Variants in CNTNAP4 observed in about 807,000 individuals in gnomAD.
The protein encoded by CNTNAP4 is contactin associated protein family member 4.
In CNTNAP4, 98 loss-of-function variants were observed where a neutral mutation model predicts 148.4. That is an observed-to-expected ratio of 0.66 (90% CI 0.56 to 0.78). CNTNAP4 has a LOEUF of 0.78. Ranked by LOEUF, CNTNAP4 falls within the 30% of genes least tolerant of loss-of-function variation. The probability of loss-of-function intolerance (pLI) is 0.00; values close to 1 mark genes in which losing one functional copy is unlikely to be tolerated. For synonymous variants in CNTNAP4, 730 were observed against 565.1 expected, an observed-to-expected ratio of 1.29 and a Z score of -4.14; for missense variants, 1,935 against 1,565.6, an observed-to-expected ratio of 1.24 and a Z score of -3.98.
rs113615192 is a variant in CNTNAP4, at chr16:76,467,373, G to A, written c.1505G>A (p.Gly502Glu). The A allele has an allele frequency of 6.2e-7, 1 of 1,613,774 alleles. No individual in the cohort carries two copies. Among genetic ancestry groups the A allele is most frequent in the Admixed American group, 1.7e-5 (1 of 59,990 alleles). ...TCAGGTTGTCCTGACAAAAGCTTTG[G>A]ATCCAAATGTAAAAGTCCACTTGGT... ...YFGGCPDKSF[G>E]SKCKSPLGGF... Residue 502 changes from glycine to glutamate, a missense_variant, in exon 10 of 24, where the codon GGA (glycine) becomes GAA (glutamate). Gly to Glu is a moderately conservative substitution (Grantham distance 98). Transcript: ENST00000611870.
rs377651077 is a variant in CNTNAP4 at position 76,448,136 on chromosome 16, A to G, written c.663A>G (p.Leu221=). 5.0e-6 allele frequency: 8 copies of G among 1,613,332 alleles called. No homozygotes were observed. The highest frequency in any genetic ancestry group is 6.8e-6 in the Non-Finnish European group (8 of 1,179,470). The change falls in exon 5 of 24, where the codon CTA becomes CTG. Residue 221 remains leucine, a synonymous_variant. Coordinates refer to ENST00000611870, the MANE Select transcript of CNTNAP4 (RefSeq NM_033401.5). Reference sequence around the variant, plus strand: ...AAACCATGCAGAGTGATGGGATTCTACTCCACAGGGAAGGGCCAAATGGAG... The same window carrying G: ...AAACCATGCAGAGTGATGGGATTCTGCTCCACAGGGAAGGGCCAAATGGAG... The part of the protein sequence containing the change: ...KFKTMQSDGI[L]LHREGPNGDH...
chr16:76,549,929 T>C (rs1236100082), intron 21 of CNTNAP4, among the ~76,000 whole-genome samples: 1 of 152,130 alleles, frequency 6.6e-6, no homozygotes, highest in Non-Finnish European at 1.5e-5. Context: ...CCAAGCTAAA[T>C]AAAAACTTTG....
intron 4 of CNTNAP4, among the ~76,000 whole-genome samples, chr16:76,440,877 C>G (rs1215685161): frequency 1.3e-5 from 2 of 152,016 alleles, no homozygotes; most frequent in African/African-American, 4.8e-5. Flanking sequence ...AGTGACAACC[C>G]CTCAAAATTT....
intron 17 of CNTNAP4, among the ~76,000 whole-genome samples, chr16:76,527,268 C>A (rs139398275): frequency 2.5e-4 from 38 of 152,258 alleles, no homozygotes; most frequent in African/African-American, 8.4e-4. Context: ...GGACCCTTCT[C>A]CCATTCCCTC....
rs1469417782 is a variant in CNTNAP4, at chr16:76,449,064, T to TGTCTAACTCACAGTTA, written c.927+114_927+115insTCTAACTCACAGTTAG. Reference sequence around the variant, plus strand: ...CCTTTTCAGTAAATCATAGAACAGGTGAAGCATTTCCCAAGGCAGTCTAAC... The same window carrying TGTCTAACTCACAGTTA: ...CCTTTTCAGTAAATCATAGAACAGGTGTCTAACTCACAGTTAGAAGCATTTCCCAAGGCAGTCTAAC... On this transcript the variant is annotated intron_variant, in intron 6 of 23. Transcript: ENST00000611870. 15 of 1,005,892 alleles carry TGTCTAACTCACAGTTA rather than the reference T, an allele frequency of 1.5e-5. 1 individual carries two copies. In the East Asian group the frequency reaches 4.0e-4, roughly 27 times the overall value. 62.3% of individuals were successfully genotyped at this position (1,005,892 alleles called of 1,614,324 possible).
At chr16:76,503,741 A>T (rs1259504477) in intron 15 of CNTNAP4, among the ~76,000 whole-genome samples, 1 of 144,836 alleles carries the variant, frequency 6.9e-6, no homozygotes, top group African/African-American at 2.6e-5. Context: ...AAGTGTTCTG[A>T]TTGTTTAATT....
At chr16:76,507,880 G>A (rs1478297836) in intron 15 of CNTNAP4, among the ~76,000 whole-genome samples, 2 of 97,478 alleles carry the variant, frequency 2.1e-5, no homozygotes, top group African/African-American at 5.1e-5. Context: ...CTGGCTCTAC[G>A]TCCTTGTCAC....
chr16:76,439,360 T>C (rs1041617855), intron 4 of CNTNAP4, among the ~76,000 whole-genome samples: 1 of 152,158 alleles, frequency 6.6e-6, no homozygotes, highest in Non-Finnish European at 1.5e-5. Context: ...CATAACAGTA[T>C]ACAAAATAAT....
chr16:76,554,670 A>C (rs571286233), intron 23 of CNTNAP4, among the ~76,000 whole-genome samples: 1 of 152,224 alleles, frequency 6.6e-6, no homozygotes, highest in South Asian at 2.1e-4. Flanking sequence ...CACTCTGAAT[A>C]TGATACGGAT....
chr16:76,345,278 C>A (rs374712852), intron 2 of CNTNAP4, among the ~76,000 whole-genome samples: 2 of 152,188 alleles, frequency 1.3e-5, no homozygotes, highest in Non-Finnish European at 2.9e-5. Flanking sequence ...CTAGGCAGTG[C>A]TCTTCAGCTT....
rs540250344 is a variant in CNTNAP4 at position 76,501,752 on chromosome 16, A to G, written c.2365+3058A>G. Among the ~76,000 whole-genome samples, 8 of 152,270 alleles carry G rather than the reference A, an allele frequency of 5.3e-5. No homozygotes were observed. The East Asian group carries it at 1.6e-3, about 30-fold the overall frequency. ...TTTGAACTACTGTGACCATGGGAAT[A>G]CAGAGGGGAGCTACTACATTAGCAC... On this transcript the variant is annotated intron_variant, in intron 15 of 23. Transcript: ENST00000611870.
chr16:76,339,739 A>C (rs1427702045), intron 2 of CNTNAP4, among the ~76,000 whole-genome samples: 5 of 152,232 alleles, frequency 3.3e-5, no homozygotes, highest in African/African-American at 1.2e-4. Context: ...ATATTAGAAC[A>C]ATAACAGCTC....
rs143467823 is a variant in CNTNAP4, at chr16:76,415,502, G to A, written c.391-11950G>A. Reference sequence around the variant, plus strand: ...ATTAGAATTCAAAGTCTAATAATACGTTGAATTAATACATGTTTTATAGTA... The same window carrying A: ...ATTAGAATTCAAAGTCTAATAATACATTGAATTAATACATGTTTTATAGTA... On this transcript the variant is annotated intron_variant, in intron 3 of 23. Coordinates refer to ENST00000611870, the MANE Select transcript of CNTNAP4 (RefSeq NM_033401.5). 6.9e-3 allele frequency among the ~76,000 whole-genome samples: 1,045 copies of A among 150,894 alleles called. 15 individuals are homozygous for A. Among genetic ancestry groups the A allele is most frequent in the African/African-American group, 0.023 (971 of 41,320 alleles).
chr16:76,475,427 TTC>T (rs1463934758), intron 10 of CNTNAP4, among the ~76,000 whole-genome samples: 2 of 152,174 alleles, frequency 1.3e-5, no homozygotes, highest in African/African-American at 4.8e-5. Flanking sequence ...TCCCTATGAG[TTC>T]TGTTTTGCAC....
chr16:76,529,410 C>T (rs922441970), intron 17 of CNTNAP4, among the ~76,000 whole-genome samples: 2 of 152,176 alleles, frequency 1.3e-5, no homozygotes, highest in Non-Finnish European at 2.9e-5. Flanking sequence ...CTGCTGTTAT[C>T]GTAGACTCAC....
At chr16:76,325,235 A>G (rs1416841742) in intron 2 of CNTNAP4, among the ~76,000 whole-genome samples, 2 of 152,200 alleles carry the variant, frequency 1.3e-5, no homozygotes, top group Non-Finnish European at 2.9e-5. Flanking sequence ...AAAAAATGAA[A>G]ATAAAGATTT....
At chr16:76,309,785 C>G (rs935969302) in intron 1 of CNTNAP4, 1 of 696,052 alleles carries the variant, frequency 1.4e-6, no homozygotes, top group Non-Finnish European at 2.6e-6. Flanking sequence ...CCGTGCTATT[C>G]TCGTGATAGT....
intron 2 of CNTNAP4, among the ~76,000 whole-genome samples, chr16:76,342,919 T>A (rs1161214862): frequency 2.6e-5 from 4 of 152,166 alleles, no homozygotes; most frequent in Non-Finnish European, 5.9e-5. Context: ...TCAAAAGTAT[T>A]TGCTTTTCAC....
chr16:76,554,359 A>C (rs1459747194), intron 23 of CNTNAP4, among the ~76,000 whole-genome samples: 2 of 152,236 alleles, frequency 1.3e-5, no homozygotes, highest in African/African-American at 4.8e-5. Context: ...TCAAGGCTTA[A>C]TAAAGATGCT....
Sources: gnomAD v4.1 joint callset for allele counts (sites outside exome capture counted in the v4.1 genomes callset) on GRCh38, gnomAD v4.1.1 for gene constraint, MANE v1.5 for transcripts, NCBI Gene and HGNC (gene_info 2026-07-23, HGNC 2026-07-21) for gene names.